Variants in EDARADD observed in about 807,000 individuals in gnomAD.
EDARADD encodes EDAR associated via death domain, also known as ectodysplasin-A receptor-associated adapter protein.
EDARADD carries 20 observed loss-of-function variants against 25.6 expected under a neutral mutation model. The ratio of observed to expected loss-of-function variants is 0.78; its 90% CI spans 0.55 to 1.14. The LOEUF is 1.14. Among genes scored for constraint, EDARADD ranks in the 50% most tolerant of loss-of-function variants. The pLI, the probability that EDARADD is intolerant of heterozygous loss-of-function variation, is 0.00. For missense variants in EDARADD, 225 were observed against 270.1 expected (o/e 0.83, Z 1.17); for synonymous variants, 86 against 94.4 (o/e 0.91, Z 0.52).
Position 236,484,037 on chromosome 1 carries a change from T to C in EDARADD, c.*1388T>C. ...TCATCAAAAACTACCCAGTGGTGTCTACTGAAGATCCCTTTGACCAGGATG... is the reference window on the plus strand; with the variant it reads ...TCATCAAAAACTACCCAGTGGTGTCCACTGAAGATCCCTTTGACCAGGATG... On this transcript the variant is annotated 3_prime_UTR_variant, in exon 6 of 6. Transcript: ENST00000334232. This position sits in a 1 kb window ranked among gnomAD's most constrained non-coding sequence, Gnocchi z 4.1. The C allele has an allele frequency of 6.5e-7, 1 of 1,542,186 alleles. No homozygotes were observed.
chr1:236,428,540 G>T (rs1483753058), intron 4 of EDARADD, among the ~76,000 whole-genome samples: 2 of 149,392 alleles, frequency 1.3e-5, no homozygotes, highest in Non-Finnish European at 3.0e-5. Flanking sequence ...CTTCTCAGAT[G>T]GGGCGGCCAG....
rs898564006 is a variant in EDARADD at position 236,395,827 on chromosome 1, G to C, written c.61+1322G>C. ...GGCGCCAGACCCGGAGTCGCACGGG[G>C]CTCCCAGTCCAGCCCCGCGAGCGGC... is the stretch of plus-strand genomic sequence containing the variant. On this transcript the variant is annotated intron_variant, in intron 1 of 5. Transcript: ENST00000334232. This position sits in a 1 kb window ranked among gnomAD's most constrained non-coding sequence, Gnocchi z 6.9. Among the ~76,000 whole-genome samples the C allele has an allele frequency of 6.6e-6, 1 of 151,874 alleles. No homozygotes were observed. The highest frequency in any genetic ancestry group is 2.4e-5 in the African/African-American group (1 of 41,396).
intron 3 of EDARADD, among the ~76,000 whole-genome samples, chr1:236,426,232 C>T (rs1454153754): frequency 2.0e-5 from 3 of 152,180 alleles, no homozygotes; most frequent in Admixed American, 1.3e-4. Flanking sequence ...CCTGCCTCAG[C>T]CTCCTGAATA....
chr1:236,479,866 C>A (rs910810480), intron 5 of EDARADD, among the ~76,000 whole-genome samples: 1 of 151,096 alleles, frequency 6.6e-6, no homozygotes, highest in African/African-American at 2.4e-5. Context: ...GGTAACATAG[C>A]AAGACCTCCA....
chr1:236,423,407 T>C (rs1657829536), intron 3 of EDARADD, among the ~76,000 whole-genome samples: 1 of 152,212 alleles, frequency 6.6e-6, no homozygotes, highest in African/African-American at 2.4e-5. Flanking sequence ...TGTGGGGCAG[T>C]GGCCCATCTC....
At chr1:236,407,329 A>G (rs921732286) in intron 1 of EDARADD, among the ~76,000 whole-genome samples, 4 of 152,280 alleles carry the variant, frequency 2.6e-5, no homozygotes, top group Admixed American at 2.0e-4. Context: ...AGATGTCTGT[A>G]TCCTGCTCCA....
chr1:236,471,523 G>C (rs1158082521), intron 5 of EDARADD, among the ~76,000 whole-genome samples: 3 of 151,610 alleles, frequency 2.0e-5, no homozygotes, highest in African/African-American at 7.3e-5. Context: ...ACTGCAGAAG[G>C]ATGTGACTCT....
At chr1:236,363,378 C>T (rs1367378453) in intron 3 of EDARADD, among the ~76,000 whole-genome samples, 1 of 151,562 alleles carries the variant, frequency 6.6e-6, no homozygotes, top group Non-Finnish European at 1.5e-5. Context: ...TTCTGGTAGT[C>T]AGTGAGTTCT....
chr1:236,357,688 A>G (rs1317554404), intron 3 of EDARADD, among the ~76,000 whole-genome samples: 1 of 151,950 alleles, frequency 6.6e-6, no homozygotes, highest in East Asian at 1.9e-4. Context: ...TTCACAAACC[A>G]GATCTCCCGA....
chr1:236,423,144 C>T (rs1657823559), intron 3 of EDARADD, among the ~76,000 whole-genome samples: 1 of 152,156 alleles, frequency 6.6e-6, no homozygotes, highest in Admixed American at 6.5e-5. Context: ...CTGTTGTAGA[C>T]TTTTATTGGA....
At chr1:236,390,578 A>G (rs1364865118), upstream of EDARADD, among the ~76,000 whole-genome samples, 1 of 152,148 alleles carries the variant, frequency 6.6e-6, no homozygotes, top group Non-Finnish European at 1.5e-5. Context: ...TTACTCATTA[A>G]CCAAATACCA....
At chr1:236,383,645 T>C (rs965935851) in intron 3 of EDARADD, among the ~76,000 whole-genome samples, 1 of 152,238 alleles carries the variant, frequency 6.6e-6, no homozygotes, top group Admixed American at 6.5e-5. Context: ...CATGTAGTTA[T>C]AGAAAATATA....
chr1:236,424,002 A>G (rs1657845193), intron 3 of EDARADD, among the ~76,000 whole-genome samples: 1 of 151,996 alleles, frequency 6.6e-6, no homozygotes, highest in Non-Finnish European at 1.5e-5. Flanking sequence ...GCTTCTTGGG[A>G]GTCTAGGGTA....
chr1:236,377,790 A>G (rs985921841), intron 3 of EDARADD, among the ~76,000 whole-genome samples: 19 of 151,896 alleles, frequency 1.3e-4, no homozygotes, highest in East Asian at 3.9e-4. Context: ...CCCGGGAGGC[A>G]GAGGTTGCAG....
chr1:236,357,401 A>G (rs11577428), intron 3 of EDARADD, among the ~76,000 whole-genome samples: 15,618 of 152,212 alleles, frequency 0.1, 1,289 homozygotes, highest in African/African-American at 0.22. Context: ...CGGGCTATAC[A>G]AGAAACATGA....
chr1:236,448,791 T>C (rs922439683), intron 4 of EDARADD, among the ~76,000 whole-genome samples: 2 of 152,182 alleles, frequency 1.3e-5, no homozygotes, highest in African/African-American at 2.4e-5. Context: ...TGTAGACTTA[T>C]AGGACATTAG....
chr1:236,464,578 G>A (rs916356240), intron 4 of EDARADD, among the ~76,000 whole-genome samples: 7 of 151,608 alleles, frequency 4.6e-5, no homozygotes, highest in Non-Finnish European at 8.8e-5. Context: ...GAACACAGGC[G>A]CTCACCACCA....
rs1031921007 is a variant in EDARADD at position 236,395,892 on chromosome 1, C to G, written c.61+1387C>G. Among the ~76,000 whole-genome samples the G allele has an allele frequency of 1.3e-5, 2 of 152,176 alleles. No individual in the cohort carries two copies. Among genetic ancestry groups the G allele is most frequent in the Non-Finnish European group, 2.9e-5 (2 of 68,028 alleles). ...CCCGCGCTCGCCAGGGCCCCTGCCC[C>G]GCGTCAGCCACCGCGCGCCTTCCCC... On this transcript the variant is annotated intron_variant, in intron 1 of 5. Coordinates refer to ENST00000334232, the MANE Select transcript of EDARADD (RefSeq NM_145861.4). The surrounding 1 kb of genome is among the most constrained non-coding windows in gnomAD (Gnocchi z 6.9).
intron 4 of EDARADD, among the ~76,000 whole-genome samples, chr1:236,446,864 T>A (rs987870360): frequency 1.3e-5 from 2 of 152,224 alleles, no homozygotes; most frequent in African/African-American, 4.8e-5. Context: ...ATGTCATGCA[T>A]GAAGTGTGCA....
Sources: gnomAD v4.1 joint callset for allele counts (sites outside exome capture counted in the v4.1 genomes callset) on GRCh38, gnomAD v4.1.1 for gene constraint, Gnocchi (gnomAD v3.1) non-coding constraint, MANE v1.5 for transcripts, NCBI Gene and HGNC (gene_info 2026-07-23, HGNC 2026-07-21) for gene names.